The following IRAK1BP1 variants were observed in gnomAD, a reference collection of about 807,000 sequenced individuals.
IRAK1BP1 encodes the protein interleukin-1 receptor-associated kinase 1-binding protein 1.
IRAK1BP1 carries 24 observed loss-of-function variants against 28.0 expected under a neutral mutation model. The observed-to-expected ratio is 0.86, with a 90% CI of 0.62 to 1.20. IRAK1BP1 has a LOEUF of 1.20. IRAK1BP1 is among the 50% of genes most tolerant of loss of function. The probability of loss-of-function intolerance (pLI) is 0.00; values close to 1 mark genes in which losing one functional copy is unlikely to be tolerated. For missense variants in IRAK1BP1, 336 were observed against 316.7 expected (o/e 1.06, Z -0.46); for synonymous variants, 131 against 116.3 (o/e 1.13, Z -0.81).
rs386407659 is a variant in IRAK1BP1 at position 78,932,421 on chromosome 6, C to CTTT, written c.*68-12972_*68-12970dup. ...ACATGTATTTCTTTTCTTTCTTTTT[C>CTTT]TTTTTTTTTTTTTTTTTGAGATGGA... is the stretch of plus-strand genomic sequence containing the variant. On this transcript the variant is annotated intron_variant and NMD_transcript_variant, in intron 4 of 4. Coordinates refer to the IRAK1BP1 transcript ENST00000606868. 5.9e-3 allele frequency among the ~76,000 whole-genome samples: 732 copies of CTTT among 123,686 alleles called. 27 individuals are homozygous for CTTT. Among genetic ancestry groups the CTTT allele is most frequent in the African/African-American group, 0.013 (440 of 32,916 alleles). The allele number at this position is 123,686 out of a possible 152,430, so 81.1% of individuals were successfully genotyped here.
At chr6:78,977,458 T>C in the IRAK1BP1 span, among the ~76,000 whole-genome samples, 1 of 152,120 alleles carries the variant, frequency 6.6e-6, no homozygotes, top group Non-Finnish European at 1.5e-5. Flanking sequence ...CACACCAGCA[T>C]GGCACATGTA....
At chr6:78,935,127 A>G (rs1255801267) in intron 4 of IRAK1BP1, among the ~76,000 whole-genome samples, 3 of 152,062 alleles carry the variant, frequency 2.0e-5, no homozygotes, top group African/African-American at 7.2e-5. Flanking sequence ...CTGAAAGGTA[A>G]TTTTTCTTGG....
chr6:78,868,040 C>G (rs1005254639), intron 1 of IRAK1BP1, 149 bp downstream of exon 1: 3 of 778,644 alleles, frequency 3.9e-6, no homozygotes, highest in Non-Finnish European at 6.0e-6. Flanking sequence ...CTCCGGGACG[C>G]CAGGACCTGG....
the IRAK1BP1 span, chr6:78,965,836 C>CA: frequency 4.3e-6 from 5 of 1,160,712 alleles, no homozygotes; most frequent in African/African-American, 6.1e-5. Flanking sequence ...AATCAATTAT[C>CA]AAAATAATTG....
At chr6:78,893,306 GTGTGTGTGTATA>G (rs1562085735) in intron 2 of IRAK1BP1, among the ~76,000 whole-genome samples, 63 of 97,848 alleles carry the variant, frequency 6.4e-4, no homozygotes, top group Non-Finnish European at 8.6e-4. Flanking sequence ...GTGTGTGTGT[GTGTGTGTGTATA>G]TATATATATA....
chr6:78,908,030 TTTTATTTA>T (rs528275854), downstream of IRAK1BP1, among the ~76,000 whole-genome samples: 14 of 147,800 alleles, frequency 9.5e-5, no homozygotes, highest in South Asian at 2.2e-4. Context: ...TTATTTTTTA[TTTTATTTA>T]TTTATTTATT....
downstream of IRAK1BP1, among the ~76,000 whole-genome samples, chr6:78,903,853 C>T (rs114121929): frequency 5.9e-3 from 895 of 152,246 alleles, 4 homozygotes; most frequent in African/African-American, 0.02. Context: ...GAGTAAAATA[C>T]AGACATATAG....
At chr6:78,872,523 G>A (rs112171773) in intron 1 of IRAK1BP1, among the ~76,000 whole-genome samples, 1 of 152,172 alleles carries the variant, frequency 6.6e-6, no homozygotes, top group African/African-American at 2.4e-5. Flanking sequence ...TTTGGAAGTT[G>A]TGGATTTGGG....
intron 4 of IRAK1BP1, among the ~76,000 whole-genome samples, chr6:78,928,568 A>G (rs562624600): frequency 2.6e-5 from 4 of 152,116 alleles, no homozygotes; most frequent in South Asian, 2.1e-4. Context: ...TTGAATAGCA[A>G]TGGTGACAGT....
downstream of IRAK1BP1, among the ~76,000 whole-genome samples, chr6:78,905,197 C>T (rs929306315): frequency 2.7e-5 from 4 of 150,772 alleles, no homozygotes; most frequent in Non-Finnish European, 5.9e-5. Context: ...ATATTAAATA[C>T]AACGCTTTAG....
In IRAK1BP1 at chr6:78,900,539, C is replaced by T. The variant is rs1413477376; in HGVS notation, c.*2205C>T. On this transcript the variant is annotated 3_prime_UTR_variant, in exon 4 of 4. Coordinates refer to ENST00000369940, the MANE Select transcript of IRAK1BP1 (RefSeq NM_001010844.4). ...AGTTCAACACCATTATATCCAAATCCTGACCTTACTACTGGAATGTAAGCT... is the reference window on the plus strand; with the variant it reads ...AGTTCAACACCATTATATCCAAATCTTGACCTTACTACTGGAATGTAAGCT... The T allele has an allele frequency of 1.3e-5, 2 of 152,124 alleles. 1 individual carries two copies. Among genetic ancestry groups the T allele is most frequent in the East Asian group, 3.9e-4 (2 of 5,182 alleles). 9.4% of individuals were successfully genotyped at this position (152,124 alleles called of 1,614,324 possible). A position where few individuals can be genotyped will look rare whatever the true frequency, so the allele number is the denominator to read the frequency against.
chr6:78,946,895 T>C (rs1009201231), downstream of IRAK1BP1: 23 of 1,494,982 alleles, frequency 1.5e-5, no homozygotes, highest in African/African-American at 8.8e-5. Context: ...AAAAAAAAAG[T>C]GTTCAACCAT....
chr6:78,947,602 G>T (rs370407399), downstream of IRAK1BP1: 9 of 1,215,370 alleles, frequency 7.4e-6, no homozygotes, highest in South Asian at 9.9e-5. Context: ...AGTCATAAAA[G>T]AAAATAATGT....
downstream of IRAK1BP1, among the ~76,000 whole-genome samples, chr6:78,907,781 G>A (rs377213203): frequency 1.1e-4 from 17 of 151,806 alleles, no homozygotes; most frequent in East Asian, 1.5e-3. Flanking sequence ...GTGCAATGGC[G>A]CAATCTCCAT....
chr6:78,961,302 T>TTA, the IRAK1BP1 span, among the ~76,000 whole-genome samples: 1 of 151,828 alleles, frequency 6.6e-6, no homozygotes, highest in Non-Finnish European at 1.5e-5. Flanking sequence ...AAAATTTTTA[T>TTA]TATATATTAT....
At chr6:78,950,688 ATGC>A (rs555644987), downstream of IRAK1BP1, among the ~76,000 whole-genome samples, 97 of 152,224 alleles carry the variant, frequency 6.4e-4, 1 homozygote, top group South Asian at 8.1e-3. Flanking sequence ...CTACAGTGAT[ATGC>A]TCTATATCAT....
chr6:78,929,687 T>A (rs1176870246), intron 4 of IRAK1BP1, among the ~76,000 whole-genome samples: 1 of 152,142 alleles, frequency 6.6e-6, no homozygotes, highest in African/African-American at 2.4e-5. Flanking sequence ...AAATAAAAAT[T>A]GAAATTATAT....
chr6:78,966,373 C>T, the IRAK1BP1 span, among the ~76,000 whole-genome samples: 1 of 152,196 alleles, frequency 6.6e-6, no homozygotes. Context: ...TATACCCAAA[C>T]TTTTCACTGA....
At chr6:78,877,548 C>T (rs1338873432) in intron 1 of IRAK1BP1, among the ~76,000 whole-genome samples, 3 of 152,228 alleles carry the variant, frequency 2.0e-5, no homozygotes, top group Admixed American at 6.5e-5. Context: ...CTCCAGTCTA[C>T]AGCTCCCAGC....
Sources: allele counts gnomAD v4.1 joint callset (sites outside exome capture counted in the v4.1 genomes callset), GRCh38; gene constraint gnomAD v4.1.1; transcripts MANE v1.5; gene names NCBI Gene and HGNC (gene_info 2026-07-23, HGNC 2026-07-21).